NECAB2: variants seen among roughly 807,000 people sequenced by gnomAD.
NECAB2 encodes N-terminal EF-hand calcium-binding protein 2.
A neutral mutation model predicts 51.9 loss-of-function variants in NECAB2; 68 were observed. The observed-to-expected ratio is 1.31, with a 90% CI of 1.08 to 1.60. The LOEUF (loss-of-function observed/expected upper bound fraction) is 1.60, where lower values mean the gene tolerates loss of function less well. Ranked by LOEUF, NECAB2 falls within the 40% of genes most tolerant of loss-of-function variation. The probability of loss-of-function intolerance (pLI) is 0.00; values close to 1 mark genes in which losing one functional copy is unlikely to be tolerated. For synonymous variants in NECAB2, 329 were observed against 203.5 expected, an observed-to-expected ratio of 1.62 and a Z score of -5.25; for missense variants, 854 against 490.3, an observed-to-expected ratio of 1.74 and a Z score of -7.00.
intron 5 of NECAB2, among the ~76,000 whole-genome samples, chr16:83,988,087 T>A (rs962178892): frequency 1.3e-5 from 2 of 152,358 alleles, no homozygotes; most frequent in African/African-American, 4.8e-5. Flanking sequence ...TTACACAGGC[T>A]TTTCTTCATA....
chr16:83,995,421 C>T (rs557695410), intron 8 of NECAB2, among the ~76,000 whole-genome samples: 1 of 152,278 alleles, frequency 6.6e-6, no homozygotes. Context: ...GGACCCCTCC[C>T]TCATAGGGGT....
Position 83,990,365 on chromosome 16 carries a change from T to TG in NECAB2, c.460-125dup, listed in dbSNP as rs570369934. The TG allele has an allele frequency of 2.2e-4, 264 of 1,226,862 alleles. 3 individuals carry two copies. In the South Asian group the frequency reaches 3.5e-3, roughly 16 times the overall value. 76.0% of individuals were successfully genotyped at this position (1,226,862 alleles called of 1,614,324 possible). On this transcript the variant is annotated intron_variant, in intron 5 of 12. Transcript: ENST00000305202. ...TCTAAGACTGGACCCCAGGAGGCCG[T>TG]GGGGTCCTCCCTTCCCTTTGCAAAG...
chr16:83,966,212 T>C (rs4782574), upstream of NECAB2: 124,761 of 573,524 alleles, frequency 0.22, 18,561 homozygotes, highest in African/African-American at 0.6. Flanking sequence ...AGGCCAGGGT[T>C]GGCCTAGACC....
upstream of NECAB2, chr16:83,965,641 G>T (rs35145453): frequency 1.3e-3 from 2,020 of 1,613,382 alleles, 16 homozygotes; most frequent in African/African-American, 0.022. Flanking sequence ...GCCCCTATGA[G>T]GGTTACCGCA....
At chr16:83,994,929 C>T (rs1023832294) in intron 8 of NECAB2, among the ~76,000 whole-genome samples, 7 of 152,110 alleles carry the variant, frequency 4.6e-5, no homozygotes, top group South Asian at 4.1e-4. Context: ...GGGGGTCAGG[C>T]GGGCCTGCAG....
At chr16:83,968,189 C>T (rs1184897551), upstream of NECAB2, among the ~76,000 whole-genome samples, 4 of 151,526 alleles carry the variant, frequency 2.6e-5, no homozygotes, top group South Asian at 8.3e-4. Flanking sequence ...CGCCGCTCCC[C>T]GGGGCTGGAG....
intron 2 of NECAB2, among the ~76,000 whole-genome samples, chr16:83,972,806 T>C (rs938001955): frequency 6.6e-6 from 1 of 152,186 alleles, no homozygotes; most frequent in Non-Finnish European, 1.5e-5. Flanking sequence ...TCCCGACTCC[T>C]TGGAGGGGCT....
Position 83,996,567 on chromosome 16 carries a change from G to A in NECAB2, c.796-649G>A, listed in dbSNP as rs79200014. Among the ~76,000 whole-genome samples, 483 of 152,132 alleles carry A rather than the reference G, an allele frequency of 3.2e-3. 3 individuals carry two copies. Among genetic ancestry groups the A allele is most frequent in the African/African-American group, 0.011 (466 of 41,520 alleles). On this transcript the variant is annotated intron_variant, in intron 8 of 12. Coordinates refer to ENST00000305202, the MANE Select transcript of NECAB2 (RefSeq NM_019065.3). ...AGGTGGTTAGTGGGGTGCCCAAGCT[G>A]AAGGAAGCAGCAGCATGAGCCTGTG...
Position 83,975,626 on chromosome 16 carries a change from C to T in NECAB2, c.227-2818C>T, listed in dbSNP as rs571256100. ...GTTTGGCTGAGCTGGATACCGGATG[C>T]CCAGTCCCTATGGGAAGGTTAGCAT... On this transcript the variant is annotated intron_variant, in intron 2 of 12. Coordinates refer to ENST00000305202, the MANE Select transcript of NECAB2 (RefSeq NM_019065.3). Among the ~76,000 whole-genome samples, 9 of 152,210 alleles carry T rather than the reference C, an allele frequency of 5.9e-5. 1 individual carries two copies. In the South Asian group the frequency reaches 1.7e-3, roughly 28 times the overall value.
chr16:84,002,021 GC>G, intron 12 of NECAB2, 105 bp downstream of exon 12: 1 of 1,319,344 alleles, frequency 7.6e-7, no homozygotes, highest in Non-Finnish European at 1.1e-6. Flanking sequence ...CTTGCTGTGG[GC>G]CCACTGTCAG....
intron 2 of NECAB2, among the ~76,000 whole-genome samples, chr16:83,974,019 C>T (rs1237288119): frequency 2.0e-5 from 3 of 148,668 alleles, no homozygotes; most frequent in Non-Finnish European, 2.9e-5. Flanking sequence ...AGGCTCCCCC[C>T]ATCAGAGGCC....
chr16:83,991,433 C>T (rs1321453174), intron 6 of NECAB2, among the ~76,000 whole-genome samples: 1 of 129,924 alleles, frequency 7.7e-6, no homozygotes, highest in East Asian at 2.5e-4. Context: ...GTGGCGAGAT[C>T]TCAGCTCACT....
In NECAB2 at chr16:83,998,234, C is replaced by G; in HGVS notation, c.879C>G (p.Ala293=). ...MHLQLVRQEM[A]VCPEQLSEFL... Reference sequence around the variant, plus strand: ...TGCAGCTGGTCCGGCAGGAGATGGCCGTGTGCCCCGAGCAACTGAGCGAGT... The same window carrying G: ...TGCAGCTGGTCCGGCAGGAGATGGCGGTGTGCCCCGAGCAACTGAGCGAGT... The change falls in exon 10 of 13, where the codon GCC becomes GCG. Residue 293 remains alanine, a synonymous_variant. Transcript: ENST00000305202. The G allele has an allele frequency of 6.2e-7, 1 of 1,611,878 alleles. No individual in the cohort carries two copies. The highest frequency in any genetic ancestry group is 1.1e-5 in the South Asian group (1 of 91,072).
chr16:84,001,385 G>A (rs4997518), intron 11 of NECAB2, among the ~76,000 whole-genome samples: 34,277 of 151,852 alleles, frequency 0.23, 8,093 homozygotes, highest in African/African-American at 0.61. Flanking sequence ...AAACACTCAC[G>A]GTTTGCTGAC....
chr16:84,002,285 C>T (rs375257328), intron 12 of NECAB2, 33 bp from the exon 13 acceptor site: 16 of 1,613,262 alleles, frequency 9.9e-6, no homozygotes, highest in Non-Finnish European at 1.4e-5. Context: ...CACATTCGCA[C>T]TCCTTCCCTC....
intron 1 of NECAB2, among the ~76,000 whole-genome samples, chr16:83,969,935 G>C (rs1249540578): frequency 6.6e-6 from 1 of 152,182 alleles, no homozygotes; most frequent in Admixed American, 6.5e-5. Context: ...GGTCTGGGCT[G>C]GGAGGGCCGG....
In NECAB2 at chr16:84,000,774, T is replaced by TCTGGGAGACAGA; in HGVS notation, c.1014_1025dup (p.Thr341_Glu342insAspTrpGluThr). ...GGCTTCACCTTTGTCATCTATGAGTTCTGGGAGACAGAGGAGGCGTGGAAG... is the reference window on the plus strand; with the variant it reads ...GGCTTCACCTTTGTCATCTATGAGTTCTGGGAGACAGACTGGGAGACAGAGGAGGCGTGGAAG... On this transcript the variant is annotated inframe_insertion, in exon 11 of 13. Transcript: ENST00000305202. 2 of 1,613,842 alleles carry TCTGGGAGACAGA rather than the reference T, an allele frequency of 1.2e-6. No individual in the cohort carries two copies. The highest frequency in any genetic ancestry group is 1.7e-6 in the Non-Finnish European group (2 of 1,179,988).
intron 5 of NECAB2, among the ~76,000 whole-genome samples, chr16:83,982,150 C>T (rs1429591499): frequency 1.3e-5 from 2 of 152,162 alleles, no homozygotes; most frequent in Admixed American, 1.3e-4. Context: ...CAATACGCTC[C>T]TACTGTACGC....
In NECAB2 at chr16:84,000,820, A is replaced by G. The variant is rs2084815156; in HGVS notation, c.1040+19A>G. 37 of 1,609,878 alleles carry G rather than the reference A, an allele frequency of 2.3e-5. No individual in the cohort carries two copies. Among genetic ancestry groups the G allele is most frequent in the Non-Finnish European group, 3.1e-5 (37 of 1,176,830 alleles). ...GGAAGAGGTGAGATGCTGGGTCCCC[A>G]CAGCAGGTGAGGGAGACAGAGGGAA... On this transcript the variant is annotated intron_variant, in intron 11 of 12. Transcript: ENST00000305202.
Sources: gnomAD v4.1 joint callset for allele counts (sites outside exome capture counted in the v4.1 genomes callset) on GRCh38, gnomAD v4.1.1 for gene constraint, MANE v1.5 for transcripts, NCBI Gene and HGNC (gene_info 2026-07-23, HGNC 2026-07-21) for gene names.